CNBP: variants seen among roughly 807,000 people sequenced by gnomAD.
The protein encoded by CNBP is CCHC-type zinc finger nucleic acid binding protein.
A neutral mutation model predicts 21.2 loss-of-function variants in CNBP; 6 were observed. That is an observed-to-expected ratio of 0.28 (90% CI 0.16 to 0.56). The LOEUF (loss-of-function observed/expected upper bound fraction) is 0.56, where lower values mean the gene tolerates loss of function less well. Ranked by LOEUF, CNBP falls within the 20% of genes least tolerant of loss-of-function variation. The pLI is 0.93. For synonymous variants in CNBP, 61 were observed against 74.9 expected, an observed-to-expected ratio of 0.81 and a Z score of 0.96; for missense variants, 112 against 233.1, an observed-to-expected ratio of 0.48 and a Z score of 3.38.
At position 129,170,421 on chromosome 3, in the gene CNBP, T is replaced by C. The variant is rs781438677; in HGVS notation, c.*32A>G. ...TCAGAGAAAATAATACAACCATCAA[T>C]CAGAAAAAGGAGGGGCGACAAAGGA... On this transcript the variant is annotated 3_prime_UTR_variant, in exon 5 of 5. Transcript: ENST00000422453. 1.3e-6 allele frequency: 2 copies of C among 1,548,260 alleles called. No homozygotes were observed. The highest frequency in any genetic ancestry group is 1.1e-5 in the South Asian group (1 of 89,754).
At chr3:129,172,608 A>AGGCAGGCAGGCAGGCAGGCAGGCAGG (rs1560034584) in intron 1 of CNBP, among the ~76,000 whole-genome samples, 8 of 31,868 alleles carry the variant, frequency 2.5e-4, no homozygotes, top group African/African-American at 5.7e-4. Flanking sequence ...AGGCAGGCAG[A>AGGCAGGCAGGCAGGCAGGCAGGCAGG]CAGGCAGACA....
At chr3:129,172,340 G>C (rs1436626862) in intron 1 of CNBP, among the ~76,000 whole-genome samples, 1 of 152,016 alleles carries the variant, frequency 6.6e-6, no homozygotes, top group African/African-American at 2.4e-5. Context: ...CTAGCACTTT[G>C]GGAGGCTGAA....
At chr3:129,178,024 T>G (rs1246891166) in intron 1 of CNBP, among the ~76,000 whole-genome samples, 1 of 152,028 alleles carries the variant, frequency 6.6e-6, no homozygotes, top group African/African-American at 2.4e-5. Context: ...CTGGACATGG[T>G]GGTGCATGCC....
chr3:129,178,660 C>G (rs886229831), intron 1 of CNBP, among the ~76,000 whole-genome samples: 6 of 152,156 alleles, frequency 3.9e-5, no homozygotes, highest in African/African-American at 1.4e-4. Flanking sequence ...CATACTGGAG[C>G]TTTTGCCCTC....
intron 1 of CNBP, among the ~76,000 whole-genome samples, chr3:129,179,665 G>A (rs1048624135): frequency 8.5e-5 from 13 of 152,272 alleles, no homozygotes; most frequent in Non-Finnish European, 1.8e-4. Context: ...GAGGTCGGCA[G>A]CCTGGCCAAC....
chr3:129,172,382 G>A (rs574269630), intron 1 of CNBP, among the ~76,000 whole-genome samples: 3 of 151,766 alleles, frequency 2.0e-5, no homozygotes, highest in Non-Finnish European at 4.4e-5. Flanking sequence ...AGGAGTTTGA[G>A]ACCAGTCTGG....
intron 1 of CNBP, among the ~76,000 whole-genome samples, 152 bp downstream of exon 1, chr3:129,183,624 G>C (rs950365400): frequency 6.6e-6 from 1 of 152,244 alleles, no homozygotes; most frequent in African/African-American, 2.4e-5. Context: ...CCGAGGCGGC[G>C]GCAGCAGCCG....
chr3:129,173,880 C>T (rs1214521772), intron 1 of CNBP, among the ~76,000 whole-genome samples: 1 of 152,154 alleles, frequency 6.6e-6, no homozygotes, highest in Admixed American at 6.5e-5. Flanking sequence ...CTAACCTAAC[C>T]ACAGTGCCAA....
intron 1 of CNBP, among the ~76,000 whole-genome samples, chr3:129,172,927 T>TC (rs1476325759): frequency 2.0e-5 from 3 of 152,138 alleles, no homozygotes; most frequent in Admixed American, 2.0e-4. Context: ...GAAAATACTC[T>TC]CTTAACCTTA....
In CNBP at chr3:129,167,899, AAAT is replaced by A. The variant is rs1409539228; in HGVS notation, c.*2551_*2553del. ...TGCTCAGTAAAAATAGCACATGAAA[AAAT>A]ATTATAAGCTTATATTCATAAAGAA... On this transcript the variant is annotated 3_prime_UTR_variant, in exon 5 of 5. Coordinates refer to ENST00000422453, the MANE Select transcript of CNBP (RefSeq NM_003418.5). Among the ~76,000 whole-genome samples the A allele has an allele frequency of 2.0e-5, 3 of 152,248 alleles. No individual in the cohort carries two copies. The highest frequency in any genetic ancestry group is 4.8e-5 in the African/African-American group (2 of 41,468).
intron 1 of CNBP, among the ~76,000 whole-genome samples, chr3:129,182,612 TA>T (rs58433965): frequency 1.3e-5 from 2 of 152,232 alleles, no homozygotes; most frequent in Non-Finnish European, 2.9e-5. Context: ...GTCTCGTTTG[TA>T]ATTACATCTG....
rs934267397 is a variant in CNBP, at chr3:129,169,470, T to G, written c.*983A>C. The G allele has an allele frequency of 5.1e-6, 1 of 197,552 alleles. No homozygotes were observed. Among genetic ancestry groups the G allele is most frequent in the Non-Finnish European group, 1.0e-5 (1 of 95,356 alleles). The allele number at this position is 197,552 out of a possible 1,614,324, so 12.2% of individuals were successfully genotyped here. On this transcript the variant is annotated 3_prime_UTR_variant, in exon 5 of 5. Coordinates refer to ENST00000422453, the MANE Select transcript of CNBP (RefSeq NM_003418.5). ...CATGACTTAAGTACAAAAAGAAAAG[T>G]CCAAACTGTCAGCTTTCAGTCCTCC...
intron 1 of CNBP, among the ~76,000 whole-genome samples, chr3:129,175,057 C>T (rs946484031): frequency 6.6e-6 from 1 of 152,006 alleles, no homozygotes; most frequent in Non-Finnish European, 1.5e-5. Context: ...TTAGGGCAGG[C>T]GTGGTGGCTC....
intron 1 of CNBP, among the ~76,000 whole-genome samples, chr3:129,174,630 A>G (rs908795084): frequency 1.3e-5 from 2 of 149,052 alleles, no homozygotes; most frequent in Non-Finnish European, 3.0e-5. Flanking sequence ...TTGCACTCCA[A>G]CGTGGGTTAC....
In CNBP at chr3:129,168,207, C is replaced by G. The variant is rs149175255; in HGVS notation, c.*2246G>C. Among the ~76,000 whole-genome samples the G allele has an allele frequency of 6.6e-6, 1 of 152,264 alleles. No homozygotes were observed. Among genetic ancestry groups the G allele is most frequent in the East Asian group, 1.9e-4 (1 of 5,190 alleles). ...TGAATAATGGTTGAAGTTCCAGGCT[C>G]TAACTGTACATCCTTAAGTAAATTA... is the stretch of plus-strand genomic sequence containing the variant. On this transcript the variant is annotated 3_prime_UTR_variant, in exon 5 of 5. Coordinates refer to ENST00000422453, the MANE Select transcript of CNBP (RefSeq NM_003418.5).
chr3:129,175,307 G>T (rs1193985483), intron 1 of CNBP, among the ~76,000 whole-genome samples: 1 of 151,814 alleles, frequency 6.6e-6, no homozygotes, highest in African/African-American at 2.4e-5. Context: ...CTGGGTGACA[G>T]AGCAAGACTC....
In CNBP at chr3:129,171,148, T is replaced by C; in HGVS notation, c.347A>G (p.Glu116Gly). Residue 116 changes from glutamate (E) to glycine (G), a missense_variant, in exon 4 of 5, where the codon GAG becomes GGG. By Grantham distance (98) the Glu-to-Gly change is moderately conservative (BLOSUM62 -2). Coordinates refer to ENST00000422453, the MANE Select transcript of CNBP (RefSeq NM_003418.5). Reference sequence around the variant, plus strand: ...TTCTCCACAAGAATAGCATTTCTGCTCATCTGCATGGTCGCAGTCACGAGC... The same window carrying C: ...TTCTCCACAAGAATAGCATTTCTGCCCATCTGCATGGTCGCAGTCACGAGC... ...HLARDCDHAD[E>G]QKCYSCGEFG... is the part of the protein sequence containing the mutation. 1 of 1,614,266 alleles carries C rather than the reference T, an allele frequency of 6.2e-7. No homozygotes were observed. Among genetic ancestry groups the C allele is most frequent in the South Asian group, 1.1e-5 (1 of 91,088 alleles).
rs750807701 is a variant in CNBP at position 129,171,090 on chromosome 3, C to T, written c.405G>A (p.Val135=). The T allele has an allele frequency of 6.2e-7, 1 of 1,613,458 alleles. No homozygotes were observed. The highest frequency in any genetic ancestry group is 1.7e-5 in the Admixed American group (1 of 60,026). Residue 135 remains valine, a synonymous_variant, in exon 4 of 5, where the codon GTG becomes GTA. Transcript: ENST00000422453. The stretch of plus-strand genomic sequence containing the variant: ...TTCTGACACCTTACCTATAGCACTT[C>T]ACTTTGGTGCAGTCTTTTTGAATGT... ...FGHIQKDCTK[V]KCYRCGETGH... is the part of the protein sequence containing the mutation.
At chr3:129,182,531 A>G (rs1448872290) in intron 1 of CNBP, among the ~76,000 whole-genome samples, 11 of 152,196 alleles carry the variant, frequency 7.2e-5, no homozygotes, top group Admixed American at 7.2e-4. Flanking sequence ...AATGTGGACC[A>G]TTATGCCATT....
Sources: gnomAD v4.1 joint callset for allele counts (sites outside exome capture counted in the v4.1 genomes callset) on GRCh38, gnomAD v4.1.1 for gene constraint, MANE v1.5 for transcripts, NCBI Gene and HGNC (gene_info 2026-07-23, HGNC 2026-07-21) for gene names.